The following UGT2B7 variants were observed in gnomAD, a reference collection of about 807,000 sequenced individuals.
UGT2B7 encodes the protein UDP glucuronosyltransferase family 2 member B7.
UGT2B7 carries 51 observed loss-of-function variants against 51.9 expected under a neutral mutation model. The ratio of observed to expected loss-of-function variants is 0.98; its 90% CI spans 0.78 to 1.24. The LOEUF is 1.24. Ranked by LOEUF, UGT2B7 falls within the 50% of genes most tolerant of loss-of-function variation. The pLI, the probability that UGT2B7 is intolerant of heterozygous loss-of-function variation, is 0.00. For missense variants in UGT2B7, 727 were observed against 628.4 expected, an observed-to-expected ratio of 1.16 and a Z score of -1.68; for synonymous variants, 225 against 211.6, an observed-to-expected ratio of 1.06 and a Z score of -0.55.
chr4:69,087,588 A>C (rs941340092), intron 1 of UGT2B7, among the ~76,000 whole-genome samples: 2 of 151,928 alleles, frequency 1.3e-5, no homozygotes, highest in African/African-American at 4.8e-5. Context: ...TTCCAATAAA[A>C]CAATTCTCCT....
intron 1 of UGT2B7, among the ~76,000 whole-genome samples, chr4:69,055,590 C>T (rs905295361): frequency 3.3e-5 from 5 of 152,140 alleles, no homozygotes; most frequent in African/African-American, 4.8e-5. Context: ...ACCCGAGATT[C>T]CAGGAAAAAC....
intron 1 of UGT2B7, among the ~76,000 whole-genome samples, chr4:69,073,013 G>T (rs180729954): frequency 1.6e-4 from 25 of 152,124 alleles, no homozygotes; most frequent in African/African-American, 5.1e-4. Context: ...TGAGCTTAGA[G>T]TTGGCCCACT....
intron 1 of UGT2B7, among the ~76,000 whole-genome samples, chr4:69,078,033 C>A (rs1718753185): frequency 2.0e-5 from 3 of 151,746 alleles, no homozygotes; most frequent in Admixed American, 2.0e-4. Context: ...TCTATTGAGA[C>A]AATCATGTTT....
intron 1 of UGT2B7, among the ~76,000 whole-genome samples, chr4:69,068,030 A>G (rs1409219737): frequency 6.6e-6 from 1 of 152,116 alleles, no homozygotes; most frequent in Non-Finnish European, 1.5e-5. Context: ...TTTTTTGTCT[A>G]TATTGAAGGT....
At chr4:69,071,288 T>C (rs1488289338) in intron 1 of UGT2B7, among the ~76,000 whole-genome samples, 1 of 152,134 alleles carries the variant, frequency 6.6e-6, no homozygotes, top group Non-Finnish European at 1.5e-5. Flanking sequence ...ATATCTGGAA[T>C]ACTGAGGATA....
chr4:69,111,149 T>A (rs2109896460), intron 5 of UGT2B7, among the ~76,000 whole-genome samples: 1 of 152,164 alleles, frequency 6.6e-6, no homozygotes, highest in Admixed American at 6.5e-5. Flanking sequence ...TGAGAACACC[T>A]TTGGGAGCTT....
In UGT2B7 at chr4:69,107,256, CT is replaced by C; in HGVS notation, c.1086del (p.Leu363Ter). On this transcript the variant is annotated frameshift_variant, in exon 4 of 6. Coordinates refer to ENST00000305231, the MANE Select transcript of UGT2B7 (RefSeq NM_001074.4). LOFTEE classifies it high-confidence loss of function. ...RLYKWIPQNDLLGHPKTRAFI... is the reference protein window; with the variant it reads ...RLYKWIPQNDXLGHPKTRAFI... Reference sequence around the variant, plus strand: ...CTACAAGTGGATACCCCAGAATGACCTTCTAGGTAAGACTCTGGTGAACAAA... The same window carrying C: ...CTACAAGTGGATACCCCAGAATGACCTCTAGGTAAGACTCTGGTGAACAAA... 2 of 1,606,760 alleles carry C rather than the reference CT, an allele frequency of 1.2e-6. No individual in the cohort carries two copies. The highest frequency in any genetic ancestry group is 1.7e-6 in the Non-Finnish European group (2 of 1,175,622).
intron 4 of UGT2B7, among the ~76,000 whole-genome samples, chr4:69,107,793 TTAAAA>T (rs1475224425): frequency 6.6e-6 from 1 of 152,110 alleles, no homozygotes; most frequent in Admixed American, 6.6e-5. Flanking sequence ...GTGACTGCAC[TTAAAA>T]TAAGAGTTCA....
upstream of UGT2B7, among the ~76,000 whole-genome samples, chr4:69,095,340 A>C (rs538117507): frequency 6.6e-6 from 1 of 152,306 alleles, no homozygotes; most frequent in African/African-American, 2.4e-5. Flanking sequence ...CATCAGAACA[A>C]GAAACTACAT....
chr4:69,102,361 G>A (rs1483216346), intron 2 of UGT2B7, among the ~76,000 whole-genome samples: 4 of 152,098 alleles, frequency 2.6e-5, no homozygotes, highest in Non-Finnish European at 5.9e-5. Context: ...TTCCAACTAA[G>A]AGAATTCTAC....
intron 1 of UGT2B7, among the ~76,000 whole-genome samples, chr4:69,074,445 T>TATATATATATATATAA (rs761833298): frequency 1.9e-5 from 2 of 106,526 alleles, no homozygotes; most frequent in African/African-American, 6.8e-5. Context: ...TATATATATA[T>TATATATATATATATAA]AAATTAAAAA....
intron 1 of UGT2B7, among the ~76,000 whole-genome samples, chr4:69,065,010 G>T (rs1577908948): frequency 6.6e-6 from 1 of 152,142 alleles, no homozygotes; most frequent in East Asian, 1.9e-4. Context: ...TTATTTACAG[G>T]ATTCCTAAGT....
In UGT2B7 at chr4:69,077,802, C is replaced by G. The variant is rs116174957; in HGVS notation, c.-158-11670C>G. On this transcript the variant is annotated intron_variant, in intron 1 of 5. Transcript: ENST00000502942. The stretch of plus-strand genomic sequence containing the variant: ...TCTTGCCAGATTTCCCTAGCCAGAA[C>G]CTCCAATACTATGTTGAATAGAAGT... 1.9e-3 allele frequency among the ~76,000 whole-genome samples: 291 copies of G among 152,270 alleles called. 2 individuals are homozygous for G. Among genetic ancestry groups the G allele is most frequent in the Non-Finnish European group, 3.4e-3 (234 of 68,014 alleles).
At chr4:69,104,015 A>C (rs1383965253) in intron 3 of UGT2B7, among the ~76,000 whole-genome samples, 1 of 152,170 alleles carries the variant, frequency 6.6e-6, no homozygotes, top group Non-Finnish European at 1.5e-5. Context: ...TAGGCCAGGC[A>C]CGGTAGCTCA....
In UGT2B7 at chr4:69,096,962, A is replaced by AT; in HGVS notation, c.447dup (p.Ala150CysfsTer8). On this transcript the variant is annotated frameshift_variant, in exon 1 of 6. Coordinates refer to ENST00000305231, the MANE Select transcript of UGT2B7 (RefSeq NM_001074.4). LOFTEE classifies it high-confidence loss of function. ...AGTACAAGAGTCAAGATTTGACGTC[A>AT]TTTTTGCAGATGCTATTTTTCCCTG... is the stretch of plus-strand genomic sequence containing the variant. 6.2e-7 allele frequency: 1 copy of AT among 1,613,510 alleles called. No homozygotes were observed. Among genetic ancestry groups the AT allele is most frequent in the Non-Finnish European group, 8.5e-7 (1 of 1,179,766 alleles).
intron 1 of UGT2B7, among the ~76,000 whole-genome samples, chr4:69,058,866 A>C (rs567885288): frequency 1.6e-4 from 24 of 152,284 alleles, no homozygotes; most frequent in African/African-American, 5.8e-4. Context: ...TGATGTGGGC[A>C]TGGAAGTGGG....
upstream of UGT2B7, among the ~76,000 whole-genome samples, chr4:69,094,882 T>C (rs890692168): frequency 4.6e-5 from 7 of 152,372 alleles, no homozygotes; most frequent in South Asian, 1.2e-3. Flanking sequence ...AATCTCCTGT[T>C]GTCATTCAAC....
chr4:69,061,744 G>A (rs1258828046), intron 1 of UGT2B7, among the ~76,000 whole-genome samples: 6 of 152,122 alleles, frequency 3.9e-5, no homozygotes, highest in South Asian at 2.1e-4. Context: ...TGTAAACAGC[G>A]TTTAACTTGT....
intron 1 of UGT2B7, among the ~76,000 whole-genome samples, chr4:69,073,729 AG>A (rs1401924349): frequency 1.0e-5 from 1 of 96,610 alleles, no homozygotes; most frequent in Non-Finnish European, 2.0e-5. Context: ...GAAAACAACT[AG>A]AAACAAGAGA....
Sources: gnomAD v4.1 joint callset for allele counts (sites outside exome capture counted in the v4.1 genomes callset) on GRCh38, gnomAD v4.1.1 for gene constraint, MANE v1.5 for transcripts, NCBI Gene and HGNC (gene_info 2026-07-23, HGNC 2026-07-21) for gene names.